Variants in RHOXF1 observed in about 807,000 individuals in gnomAD.
RHOXF1 encodes Rhox homeobox family member 1, also known as PEPP subfamily gene 1.
In RHOXF1, 1 loss-of-function variant was observed where a neutral mutation model predicts 9.7. The ratio of observed to expected loss-of-function variants is 0.10; its 90% CI spans 0.04 to 0.49. RHOXF1 has a LOEUF of 0.49. Ranked by LOEUF, RHOXF1 falls within the 20% of genes least tolerant of loss-of-function variation. The pLI, the probability that RHOXF1 is intolerant of heterozygous loss-of-function variation, is 0.95. For missense variants in RHOXF1, 179 were observed against 168.0 expected, an observed-to-expected ratio of 1.07 and a Z score of -0.36; for synonymous variants, 72 against 70.2, an observed-to-expected ratio of 1.03 and a Z score of -0.13.
At position 120,115,468 on chromosome X, in the gene RHOXF1, G is replaced by T. The variant is rs374507906; in HGVS notation, c.395C>A (p.Thr132Lys). The change falls in exon 1 of 3, where the codon ACA (threonine) becomes AAA (lysine). Residue 132 changes from threonine (T) to lysine (K), a missense_variant. Thr to Lys is a moderately conservative substitution (Grantham distance 78). Transcript: ENST00000217999. ...FRHTQYPDVP[T>K]RRELAENLGV... ...GCTCCTGGAGCAGGCCACTTACCTT[G>T]TGGGCACATCAGGGTATTGAGTGTG... 4.6e-5 allele frequency: 51 copies of T among 1,104,111 alleles called. No homozygotes were observed. Among genetic ancestry groups the T allele is most frequent in the Middle Eastern group, 5.1e-4 (2 of 3,930 alleles). The allele number at this position is 1,104,111 out of a possible 1,213,427, so 91.0% of individuals were successfully genotyped here. A position where few individuals can be genotyped will look rare whatever the true frequency, so the allele number is the denominator to read the frequency against.
rs1569312075 is a variant in RHOXF1 at position 120,112,515 on chromosome X, TA to T, written c.444+353del. On this transcript the variant is annotated intron_variant, in intron 2 of 2. Transcript: ENST00000217999. ...ATAATACACATATATGTATTATATA[TA>T]ATACACATATGTATTATATATAATA... Among the ~76,000 whole-genome samples, 114 of 108,156 alleles carry T rather than the reference TA, an allele frequency of 1.1e-3. 2 individuals are homozygous for T. Among genetic ancestry groups the T allele is most frequent in the African/African-American group, 3.5e-3 (107 of 30,614 alleles). The allele number at this position is 108,156 out of a possible 115,157, so 93.9% of individuals were successfully genotyped here.
At position 120,109,266 on chromosome X, in the gene RHOXF1, G is replaced by A; in HGVS notation, c.481C>T (p.His161Tyr). ...FKNKRARCRR[H>Y]QRELMLANEL... ...TTGGCGAGCATTAATTCTCTCTGAT[G>A]TCGCCTACATCTGGCCCTTTTATTC... is the stretch of plus-strand genomic sequence containing the variant. Residue 161 changes from histidine (H) to tyrosine (Y), a missense_variant, in exon 3 of 3, where the codon CAT becomes TAT. His to Tyr is a moderately conservative substitution (Grantham distance 83). Transcript: ENST00000217999. The A allele has an allele frequency of 8.4e-7, 1 of 1,195,350 alleles. No homozygotes were observed. The highest frequency in any genetic ancestry group is 1.1e-6 in the Non-Finnish European group (1 of 883,050).
rs1309600311 is a variant in RHOXF1 at position 120,115,602 on chromosome X, C to G, written c.261G>C (p.Glu87Asp). The G allele has an allele frequency of 1.7e-6, 2 of 1,159,501 alleles. No individual in the cohort carries two copies. The highest frequency in any genetic ancestry group is 3.6e-5 in the African/African-American group (2 of 55,560). The change falls in exon 1 of 3, where the codon GAG becomes GAC. Residue 87 changes from glutamate (E) to aspartate (D), a missense_variant. Coordinates refer to ENST00000217999, the MANE Select transcript of RHOXF1 (RefSeq NM_139282.3). ...PRQQPQPPPE[E>D]PAQAAMEGPQ... ...GACCCTCCATGGCCGCCTGGGCCGG[C>G]TCCTCCGGCGGGGGCTGCGGCTGCT...
At chrX:120,113,995 G>C (rs1008892868) in intron 1 of RHOXF1, among the ~76,000 whole-genome samples, 1 of 109,756 alleles carries the variant, frequency 9.1e-6, no homozygotes, top group African/African-American at 3.3e-5. Flanking sequence ...CTACTCAGGG[G>C]GCTGACACGG....
rs781841223 is a variant in RHOXF1 at position 120,115,636 on chromosome X, T to C, written c.227A>G (p.Glu76Gly). 2.5e-6 allele frequency: 3 copies of C among 1,179,961 alleles called. No individual in the cohort carries two copies. Among genetic ancestry groups the C allele is most frequent in the South Asian group, 1.9e-5 (1 of 52,458 alleles). The change falls in exon 1 of 3, where the codon GAG becomes GGG. Residue 76 changes from glutamate to glycine, a missense_variant. By Grantham distance (98) the Glu-to-Gly change is moderately conservative. Coordinates refer to ENST00000217999, the MANE Select transcript of RHOXF1 (RefSeq NM_139282.3). ...MIPEGGGGNQEPRQQPQPPPE... is the reference protein window; with the variant it reads ...MIPEGGGGNQGPRQQPQPPPE... ...CGGGGGCTGCGGCTGCTGCCGAGGC[T>C]CCTGGTTTCCACCGCCGCCCTCGGG...
intron 2 of RHOXF1, among the ~76,000 whole-genome samples, chrX:120,110,691 A>G (rs2057261192): frequency 5.3e-5 from 6 of 112,455 alleles, no homozygotes; most frequent in Admixed American, 4.7e-4. Context: ...AGACAAAAAA[A>G]GCCTGTCAGT....
At chrX:120,111,061 A>G (rs1276555482) in intron 2 of RHOXF1, among the ~76,000 whole-genome samples, 2 of 112,274 alleles carry the variant, frequency 1.8e-5, no homozygotes, top group Non-Finnish European at 3.8e-5. Context: ...GAAACTATGT[A>G]TTACTTTCTT....
upstream of RHOXF1, among the ~76,000 whole-genome samples, chrX:120,117,237 C>T (rs1165584358): frequency 6.3e-5 from 7 of 110,346 alleles, no homozygotes; most frequent in African/African-American, 2.3e-4. Flanking sequence ...GCCTGGGCAA[C>T]AGACAGAGGC....
chrX:120,115,208 A>C (rs2057287968), intron 1 of RHOXF1, among the ~76,000 whole-genome samples: 1 of 111,959 alleles, frequency 8.9e-6, no homozygotes, highest in Non-Finnish European at 1.9e-5. Flanking sequence ...TTGGACGGTA[A>C]ATTTCATATT....
chrX:120,112,547 A>ATGTATATATTACACATATATATG (rs2057275279), intron 2 of RHOXF1, among the ~76,000 whole-genome samples: 1 of 61,533 alleles, frequency 1.6e-5, no homozygotes, highest in South Asian at 9.0e-4. Context: ...TAATACATAT[A>ATGTATATATTACACATATATATG]TGTATAATAT....
chrX:120,120,107 C>T (rs1443984092), upstream of RHOXF1, among the ~76,000 whole-genome samples: 1 of 112,009 alleles, frequency 8.9e-6, no homozygotes, highest in Non-Finnish European at 1.9e-5. Flanking sequence ...TCTCCTGGAG[C>T]GTCTGCAAAA....
At chrX:120,120,345 C>G (rs2057311590), upstream of RHOXF1, 1 of 111,625 alleles carries the variant, frequency 9.0e-6, no homozygotes, top group South Asian at 3.8e-4. Flanking sequence ...ACCAGAAGCC[C>G]GGAGGTGGAG....
upstream of RHOXF1, chrX:120,115,970 C>T (rs1340155979): frequency 5.8e-6 from 4 of 695,052 alleles, no homozygotes; most frequent in African/African-American, 3.0e-5. Flanking sequence ...GTTACAGTTG[C>T]AATGAGTGGG....
chrX:120,111,919 T>C (rs137964577), intron 2 of RHOXF1, among the ~76,000 whole-genome samples: 275 of 112,136 alleles, frequency 2.5e-3, no homozygotes, highest in Admixed American at 4.5e-3. Context: ...CATACAAACC[T>C]TACAAACCTT....
At chrX:120,113,553 G>A (rs1046604495) in intron 1 of RHOXF1, among the ~76,000 whole-genome samples, 6 of 109,023 alleles carry the variant, frequency 5.5e-5, no homozygotes, top group Admixed American at 3.9e-4. Flanking sequence ...TCCTGGGCTC[G>A]AACGATCCTC....
At chrX:120,111,076 G>A (rs2057262788) in intron 2 of RHOXF1, among the ~76,000 whole-genome samples, 1 of 112,193 alleles carries the variant, frequency 8.9e-6, no homozygotes, top group South Asian at 3.7e-4. Context: ...TTTCTTGGGG[G>A]AAATTTATGC....
chrX:120,118,728 C>G (rs138937050), upstream of RHOXF1, among the ~76,000 whole-genome samples: 39 of 111,699 alleles, frequency 3.5e-4, no homozygotes, highest in African/African-American at 1.1e-3. Flanking sequence ...TATAAACATT[C>G]TCCACCCAGC....
chrX:120,117,277 A>C (rs895926453), upstream of RHOXF1, among the ~76,000 whole-genome samples: 4 of 110,643 alleles, frequency 3.6e-5, no homozygotes, highest in East Asian at 2.8e-4. Context: ...TAATAAAATA[A>C]GAAATAAAAT....
chrX:120,110,988 T>A (rs1363060557), intron 2 of RHOXF1, among the ~76,000 whole-genome samples: 5 of 112,164 alleles, frequency 4.5e-5, no homozygotes, highest in African/African-American at 1.6e-4. Context: ...GTTCTGATAC[T>A]AGGTCTGCAT....
Sources: allele counts gnomAD v4.1 joint callset (sites outside exome capture counted in the v4.1 genomes callset), GRCh38; gene constraint gnomAD v4.1.1; transcripts MANE v1.5; gene names NCBI Gene and HGNC (gene_info 2026-07-23, HGNC 2026-07-21).